STPG2: variants seen among roughly 807,000 people sequenced by gnomAD.
STPG2 encodes the protein sperm tail PG-rich repeat containing 2, also known as sperm-tail PG-rich repeat-containing protein 2.
A neutral mutation model predicts 54.2 loss-of-function variants in STPG2; 56 were observed. The observed-to-expected ratio is 1.03, with a 90% CI of 0.83 to 1.29. The LOEUF is 1.29. STPG2 is among the 50% of genes most tolerant of loss of function. The probability of loss-of-function intolerance (pLI) is 0.00; values close to 1 mark genes in which losing one functional copy is unlikely to be tolerated. For synonymous variants in STPG2, 200 were observed against 181.8 expected (o/e 1.10, Z -0.81); for missense variants, 596 against 544.9 (o/e 1.09, Z -0.93).
At chr4:97,914,214 T>C (rs1313249279) in intron 8 of STPG2, among the ~76,000 whole-genome samples, 2 of 152,124 alleles carry the variant, frequency 1.3e-5, no homozygotes, top group Admixed American at 6.6e-5. Flanking sequence ...GTTAAACTGA[T>C]TGCTCATCAT....
At chr4:97,931,696 T>A (rs1039937920) in intron 8 of STPG2, among the ~76,000 whole-genome samples, 20 of 152,040 alleles carry the variant, frequency 1.3e-4, no homozygotes, top group Admixed American at 6.6e-5. Flanking sequence ...TGTTTTTTTA[T>A]CTTTTTGTGT....
rs533469692 is a variant in STPG2, at chr4:98,019,836, A to G, written c.613-38518T>C. Reference sequence around the variant, plus strand: ...CTCTGTTTGTCTGTTGTTGGTGTATAAGAATGTTTGTGATTTTTTTACATT... The same window carrying G: ...CTCTGTTTGTCTGTTGTTGGTGTATGAGAATGTTTGTGATTTTTTTACATT... On this transcript the variant is annotated intron_variant, in intron 5 of 10. Coordinates refer to ENST00000295268, the MANE Select transcript of STPG2 (RefSeq NM_174952.3). Among the ~76,000 whole-genome samples the G allele has an allele frequency of 6.8e-5, 8 of 118,386 alleles. 3 individuals carry two copies. The highest frequency in any genetic ancestry group is 1.6e-4 in the Admixed American group (2 of 12,314). The allele number at this position is 118,386 out of a possible 152,430, so 77.7% of individuals were successfully genotyped here. A position where few individuals can be genotyped will look rare whatever the true frequency, so the allele number is the denominator to read the frequency against.
chr4:97,514,460 A>T (rs867985680), intron 4 of STPG2, among the ~76,000 whole-genome samples: 1 of 152,124 alleles, frequency 6.6e-6, no homozygotes, highest in Non-Finnish European at 1.5e-5. Context: ...AAGAATGTTT[A>T]TAAAAGGAGG....
At chr4:97,539,758 C>G (rs1467798733) in intron 4 of STPG2, among the ~76,000 whole-genome samples, 2 of 151,976 alleles carry the variant, frequency 1.3e-5, no homozygotes, top group African/African-American at 2.4e-5. Flanking sequence ...ACATTCTTCT[C>G]AGCACCACAC....
At chr4:97,474,222 T>C (rs1213820194) in intron 4 of STPG2, among the ~76,000 whole-genome samples, 2 of 152,070 alleles carry the variant, frequency 1.3e-5, no homozygotes, top group Non-Finnish European at 2.9e-5. Flanking sequence ...TTGTTCAATT[T>C]TTCTGTGAAC....
intron 4 of STPG2, among the ~76,000 whole-genome samples, chr4:97,467,101 G>A (rs143013490): frequency 6.6e-6 from 1 of 151,890 alleles, no homozygotes; most frequent in South Asian, 2.1e-4. Context: ...TCTGAAAAAG[G>A]TCACAAGAAT....
At chr4:97,901,251 T>G (rs1419358651) in intron 8 of STPG2, among the ~76,000 whole-genome samples, 12 of 151,882 alleles carry the variant, frequency 7.9e-5, no homozygotes, top group Non-Finnish European at 1.3e-4. Flanking sequence ...TGGGGAAAAG[T>G]TCAAAGCTTT....
chr4:98,039,450 A>C (rs946604971), intron 5 of STPG2, among the ~76,000 whole-genome samples: 1 of 138,810 alleles, frequency 7.2e-6, no homozygotes, highest in Non-Finnish European at 1.6e-5. Context: ...GTCTGTGTAC[A>C]TATACATATT....
chr4:97,519,563 C>A (rs1731139980), intron 4 of STPG2, among the ~76,000 whole-genome samples: 1 of 152,012 alleles, frequency 6.6e-6, no homozygotes, highest in South Asian at 2.1e-4. Context: ...CCCTTGTTAT[C>A]ATAATGAAGG....
chr4:97,944,117 T>A, intron 7 of STPG2, 110 bp from the exon 8 acceptor site: 1 of 683,748 alleles, frequency 1.5e-6, no homozygotes, highest in Non-Finnish European at 2.5e-6. Context: ...TGGCATTAAA[T>A]AAAGACACAT....
At chr4:97,943,037 A>G (rs1237983776) in intron 8 of STPG2, among the ~76,000 whole-genome samples, 4 of 152,188 alleles carry the variant, frequency 2.6e-5, no homozygotes, top group Non-Finnish European at 5.9e-5. Context: ...TGCAGGCTGG[A>G]AAGTTCAACA....
chr4:97,822,216 A>G (rs903637933), intron 9 of STPG2, among the ~76,000 whole-genome samples: 4 of 152,234 alleles, frequency 2.6e-5, no homozygotes, highest in African/African-American at 9.6e-5. Flanking sequence ...TCTGCTAGAT[A>G]CCCTAAAATA....
rs143472913 is a variant in STPG2 at position 97,909,441 on chromosome 4, C to G, written c.1044+34456G>C. On this transcript the variant is annotated intron_variant, in intron 8 of 10. Coordinates refer to ENST00000295268, the MANE Select transcript of STPG2 (RefSeq NM_174952.3). Reference sequence around the variant, plus strand: ...TTCTTTCAGAAAATGGAAAAACAGGCAACACTTACCAACTTTATGTGGTGA... The same window carrying G: ...TTCTTTCAGAAAATGGAAAAACAGGGAACACTTACCAACTTTATGTGGTGA... Among the ~76,000 whole-genome samples, 42 of 152,166 alleles carry G rather than the reference C, an allele frequency of 2.8e-4. No individual in the cohort carries two copies. The East Asian group carries it at 5.4e-3, about 20-fold the overall frequency.
At chr4:97,977,051 T>A (rs138151769) in intron 6 of STPG2, among the ~76,000 whole-genome samples, 113 of 152,314 alleles carry the variant, frequency 7.4e-4, no homozygotes, top group African/African-American at 2.6e-3. Flanking sequence ...CTGTAACTTT[T>A]GTTCCTCTGA....
At chr4:97,582,397 C>A (rs1732884476) in intron 10 of STPG2, among the ~76,000 whole-genome samples, 1 of 151,712 alleles carries the variant, frequency 6.6e-6, no homozygotes, top group African/African-American at 2.4e-5. Context: ...TCATGGCAAG[C>A]AATAGTGAAT....
At chr4:97,991,895 G>A (rs1474125737) in intron 5 of STPG2, among the ~76,000 whole-genome samples, 1 of 151,956 alleles carries the variant, frequency 6.6e-6, no homozygotes, top group Non-Finnish European at 1.5e-5. Context: ...TTGGCCCTTT[G>A]TATATCTTCT....
intron 4 of STPG2, among the ~76,000 whole-genome samples, chr4:97,512,981 T>G (rs1010015648): frequency 6.6e-6 from 1 of 152,000 alleles, no homozygotes; most frequent in South Asian, 2.1e-4. Context: ...GTTAAGGGCT[T>G]AGTCCCACAA....
intron 5 of STPG2, chr4:98,026,207 CG>C: frequency 8.4e-7 from 1 of 1,185,236 alleles, no homozygotes; most frequent in Non-Finnish European, 1.3e-6. Flanking sequence ...GAAGAAAGAT[CG>C]GGTAGCTCAA....
At chr4:97,636,226 T>C (rs1467193541) in intron 10 of STPG2, among the ~76,000 whole-genome samples, 1 of 145,248 alleles carries the variant, frequency 6.9e-6, no homozygotes, top group South Asian at 2.3e-4. Context: ...CTGAACAACC[T>C]GCTCCTGAAT....
Sources: allele counts gnomAD v4.1 joint callset (sites outside exome capture counted in the v4.1 genomes callset), GRCh38; gene constraint gnomAD v4.1.1; transcripts MANE v1.5; gene names NCBI Gene and HGNC (gene_info 2026-07-23, HGNC 2026-07-21).